The following NME7 variants were observed in gnomAD, a reference collection of about 807,000 sequenced individuals.
The protein encoded by NME7 is nucleoside diphosphate kinase 7.
Under a neutral mutation model 49.1 loss-of-function variants are expected in NME7, and 41 were observed. The ratio of observed to expected loss-of-function variants is 0.83; its 90% CI spans 0.65 to 1.08. NME7 has a LOEUF of 1.08. Ranked by LOEUF, NME7 falls within the 50% of genes least tolerant of loss-of-function variation. NME7 has a pLI of 0.00. For synonymous variants in NME7, 139 were observed against 150.6 expected (o/e 0.92, Z 0.56); for missense variants, 423 against 463.4 (o/e 0.91, Z 0.80).
chr1:169,253,207 T>C (rs1205678294), intron 7 of NME7, among the ~76,000 whole-genome samples: 1 of 149,122 alleles, frequency 6.7e-6, no homozygotes, highest in Non-Finnish European at 1.5e-5. Context: ...TGGAATGTTC[T>C]TCCATTTGTT....
chr1:169,331,715 C>T (rs1172779237), intron 1 of NME7, among the ~76,000 whole-genome samples: 1 of 151,224 alleles, frequency 6.6e-6, no homozygotes, highest in Non-Finnish European at 1.5e-5. Flanking sequence ...ATCCCATTTA[C>T]AATAGCCACA....
At chr1:169,328,406 C>A (rs550341278) in intron 1 of NME7, among the ~76,000 whole-genome samples, 1 of 152,222 alleles carries the variant, frequency 6.6e-6, no homozygotes, top group Non-Finnish European at 1.5e-5. Flanking sequence ...GCTTATAGGT[C>A]CACCTGTGAC....
At chr1:169,310,236 T>G (rs1285811407) in intron 3 of NME7, among the ~76,000 whole-genome samples, 156 bp from the exon 4 acceptor site, 1 of 152,048 alleles carries the variant, frequency 6.6e-6, no homozygotes, top group Non-Finnish European at 1.5e-5. Flanking sequence ...CTTAAAAACT[T>G]ACACAAAGTA....
chr1:169,302,824 TAATA>T (rs1319749027), intron 5 of NME7, among the ~76,000 whole-genome samples: 1 of 152,162 alleles, frequency 6.6e-6, no homozygotes, highest in Non-Finnish European at 1.5e-5. Flanking sequence ...CACAAAAGCA[TAATA>T]AAAATATTGA....
intron 6 of NME7, among the ~76,000 whole-genome samples, chr1:169,293,473 G>T (rs907212085): frequency 6.6e-6 from 1 of 152,036 alleles, no homozygotes; most frequent in Non-Finnish European, 1.5e-5. Context: ...CTTGTCCACT[G>T]ATTTATAATG....
intron 7 of NME7, chr1:169,286,772 G>A (rs1650288468): frequency 6.6e-6 from 1 of 152,356 alleles, no homozygotes; most frequent in Non-Finnish European, 1.5e-5. Context: ...GATCATCTGA[G>A]GTCAGGAGTT....
chr1:169,361,603 A>C (rs1653655585), intron 1 of NME7, among the ~76,000 whole-genome samples: 2 of 152,254 alleles, frequency 1.3e-5, no homozygotes, highest in African/African-American at 4.8e-5. Context: ...AAAATGGCGA[A>C]ACCCCGTCTC....
intron 6 of NME7, among the ~76,000 whole-genome samples, chr1:169,289,298 A>T (rs1459360327): frequency 6.6e-6 from 1 of 151,902 alleles, no homozygotes; most frequent in Non-Finnish European, 1.5e-5. Context: ...TATCTAGCTG[A>T]CCTCTATGTG....
chr1:169,367,308 A>C (rs1360840418), intron 1 of NME7, among the ~76,000 whole-genome samples: 1 of 152,186 alleles, frequency 6.6e-6, no homozygotes, highest in Non-Finnish European at 1.5e-5. Context: ...AAAAGACTCC[A>C]AGATCTAGGG....
intron 10 of NME7, among the ~76,000 whole-genome samples, chr1:169,220,239 G>A (rs72637227): frequency 0.07 from 10,670 of 152,162 alleles, 1,488 homozygotes; most frequent in East Asian, 0.66. Flanking sequence ...TTGTGGATGT[G>A]GGTGGAAGTA....
In NME7 at chr1:169,274,516, G is replaced by A. The variant is rs767165377; in HGVS notation, c.754+12787C>T. 9.0e-4 allele frequency among the ~76,000 whole-genome samples: 121 copies of A among 134,072 alleles called. 26 individuals carry two copies. The highest frequency in any genetic ancestry group is 4.1e-3 in the Admixed American group (56 of 13,644). 88.0% of individuals were successfully genotyped at this position (134,072 alleles called of 152,430 possible). A position where few individuals can be genotyped will look rare whatever the true frequency, so the allele number is the denominator to read the frequency against. On this transcript the variant is annotated intron_variant, in intron 7 of 11. Coordinates refer to ENST00000367811, the MANE Select transcript of NME7 (RefSeq NM_013330.5). ...TTGGCTTTTGTTGCCATTGCTTTTG[G>A]TGTTTTAGACATGAAGTCGTCGCCT...
intron 5 of NME7, among the ~76,000 whole-genome samples, chr1:169,300,713 CATGGT>C (rs1650902601): frequency 1.3e-5 from 2 of 152,086 alleles, no homozygotes; most frequent in South Asian, 4.1e-4. Context: ...ACCAAAACAT[CATGGT>C]ACTGGTACAA....
chr1:169,289,299 C>A (rs1324656764), intron 6 of NME7, among the ~76,000 whole-genome samples: 2 of 152,154 alleles, frequency 1.3e-5, no homozygotes, highest in Non-Finnish European at 2.9e-5. Flanking sequence ...ATCTAGCTGA[C>A]CTCTATGTGT....
intron 1 of NME7, among the ~76,000 whole-genome samples, chr1:169,330,350 T>C (rs1183915800): frequency 6.6e-6 from 1 of 152,106 alleles, no homozygotes; most frequent in Non-Finnish European, 1.5e-5. Flanking sequence ...AAAACCACAA[T>C]GTGGTACCAT....
intron 11 of NME7, among the ~76,000 whole-genome samples, chr1:169,167,349 AT>A (rs572466764): frequency 5.9e-5 from 9 of 151,594 alleles, no homozygotes; most frequent in Admixed American, 5.3e-4. Context: ...CCAGGACATA[AT>A]TTTTTTTTAA....
At chr1:169,228,304 T>C (rs1647429864) in intron 10 of NME7, among the ~76,000 whole-genome samples, 1 of 152,182 alleles carries the variant, frequency 6.6e-6, no homozygotes, top group African/African-American at 2.4e-5. Flanking sequence ...ATTTCTTTCC[T>C]TTTTTGTTTT....
chr1:169,305,549 A>G (rs767844991), intron 4 of NME7, among the ~76,000 whole-genome samples: 6 of 152,332 alleles, frequency 3.9e-5, no homozygotes, highest in South Asian at 2.1e-4. Context: ...CCAAGAATGC[A>G]AGGACCTGAC....
chr1:169,302,106 T>C (rs767007176), intron 5 of NME7: 2 of 144,854 alleles, frequency 1.4e-5, no homozygotes, highest in African/African-American at 2.5e-5. Flanking sequence ...ACGACAGATA[T>C]GCTGGCAAGT....
chr1:169,282,500 T>G (rs1316352850), intron 7 of NME7, among the ~76,000 whole-genome samples: 1 of 152,066 alleles, frequency 6.6e-6, no homozygotes, highest in Non-Finnish European at 1.5e-5. Context: ...GCTTTTGAAT[T>G]TGTTTGCTGT....
Sources: allele counts gnomAD v4.1 joint callset (sites outside exome capture counted in the v4.1 genomes callset), GRCh38; gene constraint gnomAD v4.1.1; transcripts MANE v1.5; gene names NCBI Gene and HGNC (gene_info 2026-07-23, HGNC 2026-07-21).